Variants in LRRC37B observed in about 807,000 individuals in gnomAD.
The protein encoded by LRRC37B is leucine rich repeat containing 37B, also known as leucine-rich repeat-containing protein 37B.
LRRC37B carries 28 observed loss-of-function variants against 98.3 expected under a neutral mutation model. The observed-to-expected ratio is 0.28, with a 90% confidence interval of 0.21 to 0.39. LRRC37B has a LOEUF of 0.39. Ranked by LOEUF, LRRC37B falls within the 10% of genes least tolerant of loss-of-function variation. The probability of loss-of-function intolerance (pLI) is 1.00; values close to 1 mark genes in which losing one functional copy is unlikely to be tolerated. For missense variants in LRRC37B, 938 were observed against 1,182.7 expected, an observed-to-expected ratio of 0.79 and a Z score of 3.03; for synonymous variants, 364 against 442.7, an observed-to-expected ratio of 0.82 and a Z score of 2.23.
upstream of LRRC37B, among the ~76,000 whole-genome samples, chr17:32,017,799 A>C (rs1489849398): frequency 6.6e-6 from 1 of 152,144 alleles, no homozygotes; most frequent in African/African-American, 2.4e-5. Flanking sequence ...CTCCAAAAAA[A>C]ACAGAAAACA....
chr17:32,020,318 G>C (rs2076882), upstream of LRRC37B, among the ~76,000 whole-genome samples: 1 of 152,110 alleles, frequency 6.6e-6, no homozygotes, highest in African/African-American at 2.4e-5. Flanking sequence ...TTCAGGAAAT[G>C]ATTTAACATG....
chr17:32,020,771 C>T, upstream of LRRC37B: 1 of 510,894 alleles, frequency 2.0e-6, no homozygotes, highest in Non-Finnish European at 3.1e-6. Flanking sequence ...GCTGCCAGAA[C>T]TGGACTAGCA....
intron 5 of LRRC37B, among the ~76,000 whole-genome samples, chr17:32,034,438 G>T (rs1911186368): frequency 6.8e-6 from 1 of 147,308 alleles, no homozygotes; most frequent in Non-Finnish European, 1.5e-5. Context: ...GGAGGTGGAG[G>T]TTGCAGTGAG....
chr17:32,034,272 G>T (rs111425443), intron 5 of LRRC37B, among the ~76,000 whole-genome samples: 23,247 of 151,912 alleles, frequency 0.15, 1,889 homozygotes, highest in Admixed American at 0.22. Context: ...TAGGCCGAGG[G>T]GGGTGGATCA....
At chr17:32,010,665 C>T (rs973342260) in intron 1 of LRRC37B, among the ~76,000 whole-genome samples, 1 of 152,168 alleles carries the variant, frequency 6.6e-6, no homozygotes, top group African/African-American at 2.4e-5. Flanking sequence ...AATGTTCTAG[C>T]TATTTTAAAA....
rs1388265649 is a variant in LRRC37B, at chr17:32,039,548, A to G, written c.2204+3909A>G. Among the ~76,000 whole-genome samples, 16 of 114,930 alleles carry G rather than the reference A, an allele frequency of 1.4e-4. 1 individual carries two copies. The South Asian group carries it at 3.4e-3, about 24-fold the overall frequency. 75.4% of individuals were successfully genotyped at this position (114,930 alleles called of 152,430 possible). On this transcript the variant is annotated intron_variant, in intron 7 of 11. Coordinates refer to ENST00000327564, the Ensembl canonical transcript of LRRC37B. ...TGTATGTATTTTTATATATATTTCT[A>G]TATATATATTCTATATATATATTTC...
intron 7 of LRRC37B, among the ~76,000 whole-genome samples, chr17:32,037,183 G>T (rs796219768): frequency 6.6e-6 from 1 of 151,932 alleles, no homozygotes; most frequent in African/African-American, 2.4e-5. Flanking sequence ...GTTTCACCAT[G>T]TTGGCCAGGC....
intron 11 of LRRC37B, chr17:32,051,110 A>G (rs1911743619): frequency 6.6e-6 from 1 of 152,134 alleles, no homozygotes. Flanking sequence ...TCCATCTACA[A>G]TGCCCTTATT....
chr17:32,042,619 G>C (rs1420610817), intron 7 of LRRC37B: 1 of 152,720 alleles, frequency 6.5e-6, no homozygotes, highest in East Asian at 1.9e-4. Flanking sequence ...TCGACGAAAT[G>C]GAGGGTCCTC....
intron 3 of LRRC37B, among the ~76,000 whole-genome samples, chr17:32,028,064 A>G (rs1457490728): frequency 9.0e-6 from 1 of 111,730 alleles, no homozygotes; most frequent in Non-Finnish European, 1.9e-5. Flanking sequence ...TCACATGGTA[A>G]GAAGATCTGA....
At chr17:32,042,964 AAT>A (rs1359680980) in intron 7 of LRRC37B, 1 of 152,058 alleles carries the variant, frequency 6.6e-6, no homozygotes, top group African/African-American at 2.4e-5. Flanking sequence ...AGGCAATGAT[AAT>A]ATTAAGTTCC....
intron 1 of LRRC37B, among the ~76,000 whole-genome samples, chr17:32,015,227 A>G (rs1187105361): frequency 6.6e-6 from 1 of 152,238 alleles, no homozygotes; most frequent in Non-Finnish European, 1.5e-5. Flanking sequence ...CTCAAAGAGC[A>G]CAGCCTTGTT....
chr17:32,049,106 T>C (rs558290779), exon 10 of LRRC37B: 1 of 1,613,768 alleles, frequency 6.2e-7, no homozygotes, highest in Non-Finnish European at 8.5e-7. Flanking sequence ...CCCCAGGTGA[T>C]CAGCTTGAAA....
exon 9 of LRRC37B, chr17:32,047,817 C>T (rs371734613): frequency 1.7e-5 from 27 of 1,613,910 alleles, no homozygotes; most frequent in Middle Eastern, 1.6e-4. Flanking sequence ...GTTACAAGCC[C>T]GGAAGCAGCA....
chr17:32,021,451 A>T, exon 1 of LRRC37B: 2 of 1,613,956 alleles, frequency 1.2e-6, no homozygotes, highest in Non-Finnish European at 1.7e-6. Flanking sequence ...AAGGAATTGG[A>T]TTCAGCTGGA....
At chr17:32,047,932 A>T (rs1214891012) in intron 9 of LRRC37B, 31 bp downstream of exon 12, 1 of 1,614,166 alleles carries the variant, frequency 6.2e-7, no homozygotes, top group East Asian at 2.2e-5. Context: ...GACGAGAGTG[A>T]TGTTAGCAGT....
chr17:32,017,218 G>GTTCAAATA (rs1365887426), upstream of LRRC37B: 4 of 152,126 alleles, frequency 2.6e-5, no homozygotes, highest in African/African-American at 9.7e-5. Context: ...ATGTTCAAAT[G>GTTCAAATA]TTCTCTCTCT....
chr17:32,015,108 C>T (rs1318879302), intron 1 of LRRC37B, among the ~76,000 whole-genome samples: 3 of 151,956 alleles, frequency 2.0e-5, no homozygotes, highest in African/African-American at 4.8e-5. Context: ...CCAGCCTGGG[C>T]GACAGAGCGA....
chr17:32,017,952 A>G (rs1321189466), upstream of LRRC37B: 1 of 212,636 alleles, frequency 4.7e-6, no homozygotes, highest in Non-Finnish European at 1.0e-5. Flanking sequence ...CTGAATTGAT[A>G]CTTGCTTACT....
Sources: gnomAD v4.1 joint callset for allele counts (sites outside exome capture counted in the v4.1 genomes callset) on GRCh38, gnomAD v4.1.1 for gene constraint, MANE v1.5 for transcripts, NCBI Gene and HGNC (gene_info 2026-07-23, HGNC 2026-07-21) for gene names.